The following NMNAT2 variants were observed in gnomAD, a reference collection of about 807,000 sequenced individuals.
NMNAT2 encodes the protein nicotinamide/nicotinic acid mononucleotide adenylyltransferase 2.
NMNAT2 carries 11 observed loss-of-function variants against 41.6 expected under a neutral mutation model. The observed-to-expected ratio is 0.26, with a 90% CI of 0.17 to 0.44. The LOEUF is 0.44. Among genes scored for constraint, NMNAT2 ranks in the 20% least tolerant of loss-of-function variants. NMNAT2 has a pLI of 1.00. For synonymous variants in NMNAT2, 148 were observed against 151.2 expected (o/e 0.98, Z 0.16); for missense variants, 288 against 407.7 (o/e 0.71, Z 2.53).
intron 8 of NMNAT2, among the ~76,000 whole-genome samples, chr1:183,265,671 C>T (rs1660795046): frequency 6.6e-6 from 1 of 152,180 alleles, no homozygotes; most frequent in Admixed American, 6.5e-5. Flanking sequence ...CCAATGGACT[C>T]TACCATCAAA....
chr1:183,282,918 T>C (rs1661306088), intron 7 of NMNAT2: 1 of 152,212 alleles, frequency 6.6e-6, no homozygotes, highest in Non-Finnish European at 1.5e-5. Flanking sequence ...TAAGTTAATA[T>C]AACTTAATTT....
At chr1:183,348,274 G>C (rs116778494) in intron 1 of NMNAT2, among the ~76,000 whole-genome samples, 1 of 152,070 alleles carries the variant, frequency 6.6e-6, no homozygotes, top group East Asian at 1.9e-4. Flanking sequence ...TAAGCTGTGC[G>C]TGCGTGCACG....
chr1:183,330,172 T>A (rs1324566210), intron 1 of NMNAT2, among the ~76,000 whole-genome samples: 2 of 152,218 alleles, frequency 1.3e-5, no homozygotes, highest in African/African-American at 4.8e-5. Context: ...AGTTGCCTCA[T>A]CTGTAAAATG....
At chr1:183,338,706 C>T (rs1406371753) in intron 1 of NMNAT2, among the ~76,000 whole-genome samples, 1 of 152,170 alleles carries the variant, frequency 6.6e-6, no homozygotes, top group African/African-American at 2.4e-5. Flanking sequence ...TCCTAGGCTA[C>T]TCAGCTGACC....
At chr1:183,256,362 T>C (rs537665993) in intron 10 of NMNAT2, among the ~76,000 whole-genome samples, 8 of 152,186 alleles carry the variant, frequency 5.3e-5, no homozygotes, top group Admixed American at 5.2e-4. Context: ...TGAGCAGAGA[T>C]TGTGCCACTG....
intron 1 of NMNAT2, among the ~76,000 whole-genome samples, chr1:183,387,100 A>G (rs1049968478): frequency 6.6e-6 from 1 of 151,276 alleles, no homozygotes; most frequent in African/African-American, 2.4e-5. Context: ...TAAATAATGT[A>G]TTAGTTTATA....
intron 1 of NMNAT2, among the ~76,000 whole-genome samples, chr1:183,334,825 T>C (rs1421940572): frequency 6.6e-6 from 1 of 152,198 alleles, no homozygotes; most frequent in Non-Finnish European, 1.5e-5. Context: ...CCACCCATTC[T>C]TCAGGTCGTG....
intron 7 of NMNAT2, among the ~76,000 whole-genome samples, chr1:183,281,686 A>G (rs762817849): frequency 4.6e-5 from 7 of 152,328 alleles, no homozygotes; most frequent in African/African-American, 9.6e-5. Flanking sequence ...AGTTTGTCCT[A>G]TGAGGCTAAG....
chr1:183,399,508 C>T (rs1172410231), intron 1 of NMNAT2, among the ~76,000 whole-genome samples: 2 of 152,166 alleles, frequency 1.3e-5, no homozygotes, highest in African/African-American at 2.4e-5. Flanking sequence ...ACCATTCCTT[C>T]TGAAACTTTT....
intron 1 of NMNAT2, among the ~76,000 whole-genome samples, chr1:183,337,290 GAAGA>G (rs1295543376): frequency 2.6e-5 from 4 of 152,046 alleles, no homozygotes; most frequent in African/African-American, 9.7e-5. Context: ...AAAAAATTAG[GAAGA>G]GAGAAAATCC....
intron 6 of NMNAT2, among the ~76,000 whole-genome samples, chr1:183,284,465 C>T (rs966427802): frequency 6.6e-6 from 1 of 152,194 alleles, no homozygotes; most frequent in Non-Finnish European, 1.5e-5. Flanking sequence ...ACTGTGGGTG[C>T]AGAACTTTTT....
chr1:183,386,714 G>A (rs567859535), intron 1 of NMNAT2, among the ~76,000 whole-genome samples: 4 of 151,868 alleles, frequency 2.6e-5, no homozygotes, highest in African/African-American at 9.7e-5. Flanking sequence ...TCAACATTTT[G>A]CACAAAATAA....
chr1:183,406,633 G>A (rs1229264559), intron 1 of NMNAT2, among the ~76,000 whole-genome samples: 1 of 152,158 alleles, frequency 6.6e-6, no homozygotes, highest in African/African-American at 2.4e-5. Context: ...TGCTTCAAAT[G>A]GAGATTCTGT....
Position 183,286,762 on chromosome 1 carries a change from A to G in NMNAT2, c.348T>C (p.Asn116=). Residue 116 remains asparagine (N), a synonymous_variant, in exon 5 of 11, where the codon AAT becomes AAC. Transcript: ENST00000287713. ...CAGGTGTCATGGAAGGTGTGTTGAC[A>G]TTGGAGAGGATGCAGCCAGTCACCC... is the stretch of plus-strand genomic sequence containing the variant. ...MKRVTGCILS[N]VNTPSMTPVI... 6.8e-6 allele frequency: 11 copies of G among 1,610,914 alleles called. No homozygotes were observed. Among genetic ancestry groups the G allele is most frequent in the Non-Finnish European group, 9.3e-6 (11 of 1,178,652 alleles).
At chr1:183,331,941 G>A (rs1311422345) in intron 1 of NMNAT2, among the ~76,000 whole-genome samples, 3 of 152,112 alleles carry the variant, frequency 2.0e-5, no homozygotes, top group Non-Finnish European at 2.9e-5. Context: ...TCGCCACCAC[G>A]CCCGGCTAAT....
At chr1:183,341,747 A>AAAAAAAAAAAAAAAAAAAAAAAAAG (rs55690735) in intron 1 of NMNAT2, among the ~76,000 whole-genome samples, 1 of 143,026 alleles carries the variant, frequency 7.0e-6, no homozygotes, top group Non-Finnish European at 1.5e-5. Context: ...AAAAAAAAAA[A>AAAAAAAAAAAAAAAAAAAAAAAAAG]CCTGTTTCCT....
At chr1:183,404,339 G>A (rs758678601) in intron 1 of NMNAT2, among the ~76,000 whole-genome samples, 9 of 152,046 alleles carry the variant, frequency 5.9e-5, no homozygotes, top group Admixed American at 2.6e-4. Context: ...ATCCACCTGC[G>A]TTGGCCTCCC....
At chr1:183,389,756 G>T (rs867122965) in intron 1 of NMNAT2, among the ~76,000 whole-genome samples, 1 of 26,808 alleles carries the variant, frequency 3.7e-5, no homozygotes, top group Non-Finnish European at 6.6e-5. Context: ...AAGAAAGAAA[G>T]AAAGAAAGAA....
At chr1:183,263,931 T>C (rs1660734888) in intron 8 of NMNAT2, among the ~76,000 whole-genome samples, 1 of 152,104 alleles carries the variant, frequency 6.6e-6, no homozygotes. Context: ...ACCAGTGGTC[T>C]AAGTACTGAA....
Sources: gnomAD v4.1 joint callset for allele counts (sites outside exome capture counted in the v4.1 genomes callset) on GRCh38, gnomAD v4.1.1 for gene constraint, MANE v1.5 for transcripts, NCBI Gene and HGNC (gene_info 2026-07-23, HGNC 2026-07-21) for gene names.